EIF2AK4: variants seen among roughly 807,000 people sequenced by gnomAD.
The protein encoded by EIF2AK4 is eIF-2-alpha kinase GCN2.
A neutral mutation model predicts 211.1 loss-of-function variants in EIF2AK4; 139 were observed. The observed-to-expected ratio is 0.66, with a 90% confidence interval of 0.57 to 0.76. The LOEUF is 0.76. Ranked by LOEUF, EIF2AK4 falls within the 30% of genes least tolerant of loss-of-function variation. The probability of loss-of-function intolerance (pLI) is 0.00; values close to 1 mark genes in which losing one functional copy is unlikely to be tolerated. For missense variants in EIF2AK4, 1,664 were observed against 2,043.8 expected (o/e 0.81, Z 3.58); for synonymous variants, 710 against 751.3 (o/e 0.94, Z 0.90).
intron 30 of EIF2AK4, among the ~76,000 whole-genome samples, chr15:40,020,173 AAAAAAG>A (rs1415618006): frequency 2.0e-5 from 3 of 151,208 alleles, no homozygotes; most frequent in South Asian, 2.1e-4. Context: ...GTCAAAAAAA[AAAAAAG>A]AAAAAAGAAA....
At chr15:39,959,116 A>G (rs552518832) in intron 6 of EIF2AK4, among the ~76,000 whole-genome samples, 2 of 152,328 alleles carry the variant, frequency 1.3e-5, no homozygotes, top group African/African-American at 2.4e-5. Flanking sequence ...TATTTTTAAT[A>G]TTATGATAAT....
At chr15:39,989,159 C>T (rs1309711125) in intron 15 of EIF2AK4, among the ~76,000 whole-genome samples, 1 of 152,140 alleles carries the variant, frequency 6.6e-6, no homozygotes, top group Non-Finnish European at 1.5e-5. Context: ...TAGCTTGTCG[C>T]ATGTCTAAAA....
intron 11 of EIF2AK4, chr15:39,974,826 C>A (rs1403953036): frequency 6.6e-6 from 1 of 152,204 alleles, no homozygotes; most frequent in African/African-American, 2.4e-5. Flanking sequence ...CCCTCACCTC[C>A]TACCTCTGTG....
At chr15:39,981,813 A>C (rs139376683) in intron 13 of EIF2AK4, among the ~76,000 whole-genome samples, 3,015 of 151,874 alleles carry the variant, frequency 0.02, 37 homozygotes, top group Non-Finnish European at 0.033. Context: ...GGACAAACAG[A>C]GTAATGGTAT....
intron 7 of EIF2AK4, 143 bp from the exon 8 acceptor site, chr15:39,965,543 C>A: frequency 1.1e-6 from 1 of 921,120 alleles, no homozygotes; most frequent in Non-Finnish European, 1.6e-6. Context: ...TACAAAAGGA[C>A]ATTATTACAT....
At chr15:39,965,178 A>G (rs746301489) in intron 7 of EIF2AK4, among the ~76,000 whole-genome samples, 21 of 152,176 alleles carry the variant, frequency 1.4e-4, no homozygotes, top group Non-Finnish European at 2.6e-4. Context: ...CTGGAGTGCA[A>G]TGGTGCGTTG....
At chr15:39,957,938 C>G (rs1163843124) in intron 6 of EIF2AK4, among the ~76,000 whole-genome samples, 1 of 152,184 alleles carries the variant, frequency 6.6e-6, no homozygotes, top group Non-Finnish European at 1.5e-5. Flanking sequence ...ACTCACTATT[C>G]TAGTGGAAAG....
chr15:40,016,718 TA>T (rs763990606), intron 28 of EIF2AK4, 46 bp downstream of exon 28: 1 of 1,589,902 alleles, frequency 6.3e-7, no homozygotes, highest in Non-Finnish European at 8.6e-7. Context: ...GTAGCATTAC[TA>T]ATAGCACAGG....
chr15:39,988,114 T>A lies in EIF2AK4; in HGVS notation c.2526+9T>A. The stretch of plus-strand genomic sequence containing the variant: ...CTTATATCCATGAGAAAGTAAACTT[T>A]ACAACATTTCATATCTGAAGACTTA... On this transcript the variant is annotated intron_variant, in intron 15 of 38. Coordinates refer to ENST00000263791, the MANE Select transcript of EIF2AK4 (RefSeq NM_001013703.4). The A allele has an allele frequency of 6.2e-7, 1 of 1,613,698 alleles. No homozygotes were observed. The highest frequency in any genetic ancestry group is 8.5e-7 in the Non-Finnish European group (1 of 1,179,856).
intron 3 of EIF2AK4, chr15:39,947,024 T>C (rs2034238045): frequency 5.4e-6 from 1 of 185,442 alleles, no homozygotes; most frequent in African/African-American, 2.4e-5. Flanking sequence ...GACATTTGCT[T>C]TACTGAAGTG....
chr15:39,975,597 C>T (rs2034683011), intron 11 of EIF2AK4, among the ~76,000 whole-genome samples: 1 of 152,248 alleles, frequency 6.6e-6, no homozygotes, highest in South Asian at 2.1e-4. Context: ...ACCCCAATTA[C>T]ATAGTGAAAC....
intron 27 of EIF2AK4, among the ~76,000 whole-genome samples, chr15:40,013,721 CAG>C (rs1388704074): frequency 1.3e-5 from 2 of 152,194 alleles, no homozygotes; most frequent in East Asian, 1.9e-4. Context: ...TCCCATGACA[CAG>C]GGGAATTGTG....
chr15:39,988,092 A>G lies in EIF2AK4; in HGVS notation c.2513A>G (p.Tyr838Cys), dbSNP rs1205960131. The G allele has an allele frequency of 1.2e-6, 2 of 1,614,110 alleles. No homozygotes were observed. Among genetic ancestry groups the G allele is most frequent in the Non-Finnish European group, 1.7e-6 (2 of 1,179,972 alleles). Reference protein sequence around the residue: ...LFREILDGLAYIHEKGMIHRD... With the variant: ...LFREILDGLACIHEKGMIHRD... ...CGAGAGATTCTGGATGGATTAGCTT[A>G]TATCCATGAGAAAGTAAACTTTACA... The change falls in exon 15 of 39, where the codon TAT (tyrosine) becomes TGT (cysteine). Residue 838 changes from tyrosine to cysteine, a missense_variant. Physicochemically the swap from Tyr to Cys is radical, Grantham distance 194 (BLOSUM62 -2). Around this residue, in one of 7 missense-constraint regions of EIF2AK4, gnomAD observed 622 missense variants for 796.8 expected, o/e 0.78. Transcript: ENST00000263791.
intron 9 of EIF2AK4, among the ~76,000 whole-genome samples, chr15:39,970,766 T>C (rs1299202137): frequency 6.6e-6 from 1 of 152,176 alleles, no homozygotes; most frequent in Non-Finnish European, 1.5e-5. Flanking sequence ...GGCTTTATCA[T>C]TATCAGTAAT....
chr15:39,967,993 C>A, intron 9 of EIF2AK4, 114 bp downstream of exon 9: 1 of 1,081,570 alleles, frequency 9.2e-7, no homozygotes, highest in Non-Finnish European at 1.3e-6. Flanking sequence ...AACAGGACTT[C>A]ATTCTTTGCT....
chr15:40,008,868 C>T (rs2035197650), intron 25 of EIF2AK4, among the ~76,000 whole-genome samples: 1 of 152,162 alleles, frequency 6.6e-6, no homozygotes, highest in Non-Finnish European at 1.5e-5. Flanking sequence ...GTCCGCTTTG[C>T]CATATACCCC....
Position 40,011,278 on chromosome 15 carries a change from TAGAC to T in EIF2AK4, c.3695_3698del (p.Thr1232ArgfsTer3), listed in dbSNP as rs773897641. 9.9e-6 allele frequency: 16 copies of T among 1,613,718 alleles called. No homozygotes were observed. The highest frequency in any genetic ancestry group is 1.3e-5 in the Non-Finnish European group (15 of 1,179,828). ...TCATTGTTACCTTTTTCTTCCACGT[TAGAC>T]AGAGAAGCTGACGAGGAGAGAAGTG... On this transcript the variant is annotated splice_acceptor_variant and coding_sequence_variant, in exon 27 of 39. Coordinates refer to ENST00000263791, the MANE Select transcript of EIF2AK4 (RefSeq NM_001013703.4). LOFTEE classifies it high-confidence loss of function.
chr15:39,946,855 A>C, intron 3 of EIF2AK4: 1 of 572,282 alleles, frequency 1.7e-6, no homozygotes, highest in Non-Finnish European at 3.1e-6. Flanking sequence ...TCAGATGATC[A>C]TTAGCATTTT....
chr15:40,000,888 G>A (rs2035080648), intron 20 of EIF2AK4, 100 bp from the exon 21 acceptor site: 7 of 1,142,830 alleles, frequency 6.1e-6, no homozygotes, highest in Non-Finnish European at 7.7e-6. Context: ...AAGAATAGTG[G>A]CACCTTTTCT....
Sources: allele counts gnomAD v4.1 joint callset (sites outside exome capture counted in the v4.1 genomes callset), GRCh38; gene constraint gnomAD v4.1.1; regional missense constraint gnomAD v4.1.1; transcripts MANE v1.5; gene names NCBI Gene and HGNC (gene_info 2026-07-23, HGNC 2026-07-21).